The following NFIA variants were observed in gnomAD, a reference collection of about 807,000 sequenced individuals.
NFIA encodes nuclear factor 1 A-type.
NFIA carries 8 observed loss-of-function variants against 62.8 expected under a neutral mutation model. The ratio of observed to expected loss-of-function variants is 0.13; its 90% confidence interval spans 0.07 to 0.23. NFIA has a LOEUF of 0.23. Ranked by LOEUF, NFIA falls within the 10% of genes least tolerant of loss-of-function variation. The probability of loss-of-function intolerance (pLI) is 1.00; values close to 1 mark genes in which losing one functional copy is unlikely to be tolerated. For synonymous variants in NFIA, 235 were observed against 238.1 expected (o/e 0.99, Z 0.12); for missense variants, 410 against 642.1 (o/e 0.64, Z 3.91).
chr1:61,118,080 G>A (rs1365429081), intron 2 of NFIA, among the ~76,000 whole-genome samples: 1 of 151,952 alleles, frequency 6.6e-6, no homozygotes, highest in Non-Finnish European at 1.5e-5. Context: ...AGCTACTCAG[G>A]AGGTTGAGAC....
chr1:61,306,066 G>A (rs865909074), intron 3 of NFIA, among the ~76,000 whole-genome samples: 5 of 151,412 alleles, frequency 3.3e-5, no homozygotes, highest in African/African-American at 1.2e-4. Flanking sequence ...TAGCCAGGAT[G>A]GTCTCAATCT....
At chr1:61,435,483 C>G (rs946158187) in intron 10 of NFIA, among the ~76,000 whole-genome samples, 1 of 152,178 alleles carries the variant, frequency 6.6e-6, no homozygotes, top group Non-Finnish European at 1.5e-5. Context: ...AGTATGCTGC[C>G]TCTTCAGCCT....
chr1:61,229,733 A>G (rs1654552280), intron 2 of NFIA, among the ~76,000 whole-genome samples: 1 of 152,198 alleles, frequency 6.6e-6, no homozygotes, highest in Non-Finnish European at 1.5e-5. Flanking sequence ...ACTTTTCTAC[A>G]AAAATCTGGG....
At chr1:61,452,336 A>G (rs1201058854) in intron 10 of NFIA, among the ~76,000 whole-genome samples, 1 of 152,142 alleles carries the variant, frequency 6.6e-6, no homozygotes, top group East Asian at 1.9e-4. Context: ...TTCAAAAAAG[A>G]AAAATTCCCT....
chr1:61,232,314 G>T (rs895848475), intron 2 of NFIA, among the ~76,000 whole-genome samples: 4 of 152,090 alleles, frequency 2.6e-5, no homozygotes, highest in African/African-American at 9.7e-5. Context: ...TCCTCTGAGT[G>T]ATTGGGCTAG....
intron 2 of NFIA, among the ~76,000 whole-genome samples, chr1:61,155,956 G>A (rs942185924): frequency 1.3e-5 from 2 of 152,084 alleles, no homozygotes; most frequent in Non-Finnish European, 2.9e-5. Context: ...GACCAAACAT[G>A]GTGAAATCCC....
intron 2 of NFIA, among the ~76,000 whole-genome samples, chr1:61,194,600 A>T (rs1446673314): frequency 1.3e-5 from 2 of 152,184 alleles, no homozygotes; most frequent in Non-Finnish European, 2.9e-5. Flanking sequence ...GGCAAGGTAG[A>T]TATTAGGTTA....
intron 1 of NFIA, among the ~76,000 whole-genome samples, chr1:61,083,647 G>C (rs2100405343): frequency 6.6e-6 from 1 of 151,696 alleles, no homozygotes; most frequent in South Asian, 2.1e-4. Flanking sequence ...AGCCCACGTT[G>C]TGCAGGGCGC....
intron 3 of NFIA, among the ~76,000 whole-genome samples, chr1:61,292,952 G>A (rs932372168): frequency 6.6e-6 from 1 of 152,114 alleles, no homozygotes; most frequent in Non-Finnish European, 1.5e-5. Flanking sequence ...CATGTCCTGT[G>A]CCCGTATGTT....
At chr1:61,163,075 G>A (rs943161751) in intron 2 of NFIA, among the ~76,000 whole-genome samples, 1 of 151,898 alleles carries the variant, frequency 6.6e-6, no homozygotes, top group Non-Finnish European at 1.5e-5. Context: ...AACTGTACCA[G>A]GTCAGTTACA....
chr1:61,346,903 C>T (rs1423037541), intron 4 of NFIA, among the ~76,000 whole-genome samples: 1 of 152,140 alleles, frequency 6.6e-6, no homozygotes, highest in Non-Finnish European at 1.5e-5. Flanking sequence ...GAGAGAGAAT[C>T]GGTCCCCAGC....
At chr1:61,093,803 A>G (rs933257073) in intron 2 of NFIA, among the ~76,000 whole-genome samples, 15 of 152,182 alleles carry the variant, frequency 9.9e-5, no homozygotes, top group African/African-American at 3.6e-4. Flanking sequence ...AAATTTCCCA[A>G]TGCTTCTGGC....
At chr1:61,169,905 T>C (rs1649834212) in intron 2 of NFIA, among the ~76,000 whole-genome samples, 1 of 152,166 alleles carries the variant, frequency 6.6e-6, no homozygotes. Context: ...CAGCAAAGAT[T>C]TTTAGCTTTC....
chr1:61,433,878 A>G (rs1371264177), intron 10 of NFIA, among the ~76,000 whole-genome samples: 4 of 152,188 alleles, frequency 2.6e-5, no homozygotes, highest in Admixed American at 1.3e-4. Flanking sequence ...CACGTGTCCT[A>G]TGAAGGAAGG....
intron 2 of NFIA, among the ~76,000 whole-genome samples, chr1:61,108,112 G>A (rs1228862891): frequency 6.6e-6 from 1 of 151,470 alleles, no homozygotes; most frequent in African/African-American, 2.4e-5. Flanking sequence ...AAATTTTTTA[G>A]TTATTCTTTA....
intron 9 of NFIA, among the ~76,000 whole-genome samples, chr1:61,423,658 T>C (rs1352025529): frequency 1.3e-5 from 2 of 152,204 alleles, no homozygotes; most frequent in Non-Finnish European, 2.9e-5. Flanking sequence ...CATGTATAAT[T>C]GATTCACTAT....
At chr1:61,081,994 G>C (rs778050677), upstream of NFIA, 3 of 1,550,426 alleles carry the variant, frequency 1.9e-6, no homozygotes, top group Non-Finnish European at 2.6e-6. Context: ...TGCCCACGCG[G>C]TGGCCCGGGG....
chr1:61,336,554 G>T lies in NFIA; in HGVS notation c.700+3968G>T, dbSNP rs563140933. 4.6e-5 allele frequency among the ~76,000 whole-genome samples: 7 copies of T among 152,242 alleles called. No homozygotes were observed. The South Asian group carries it at 1.5e-3, about 32-fold the overall frequency. On this transcript the variant is annotated intron_variant, in intron 4 of 10. Transcript: ENST00000403491. ...ATTAAAGTCCACAGTTTACCTTAGG[G>T]TTCACTCTTGTACATTCTGTGGGTT...
intron 5 of NFIA, among the ~76,000 whole-genome samples, chr1:61,358,379 C>CTTTCTTTCTTTTTTTTTTT (rs71582639): frequency 1.9e-5 from 1 of 52,616 alleles, no homozygotes; most frequent in African/African-American, 8.5e-5. Flanking sequence ...TTCTTTCTTT[C>CTTTCTTTCTTTTTTTTTTT]TTTTTTTTTT....
Sources: allele counts gnomAD v4.1 joint callset (sites outside exome capture counted in the v4.1 genomes callset), GRCh38; gene constraint gnomAD v4.1.1; transcripts MANE v1.5; gene names NCBI Gene and HGNC (gene_info 2026-07-23, HGNC 2026-07-21).